Variants in PDE4D observed in about 807,000 individuals in gnomAD.
PDE4D encodes phosphodiesterase 4D.
In PDE4D, 24 loss-of-function variants were observed where a neutral mutation model predicts 87.4. The ratio of observed to expected loss-of-function variants is 0.27; its 90% CI spans 0.20 to 0.39. The LOEUF is 0.39. PDE4D is among the 10% of genes least tolerant of loss of function. The pLI is 1.00. For missense variants in PDE4D, 714 were observed against 1,041.0 expected, an observed-to-expected ratio of 0.69 and a Z score of 4.32; for synonymous variants, 384 against 383.2, an observed-to-expected ratio of 1.00 and a Z score of -0.02.
intron 1 of PDE4D, among the ~76,000 whole-genome samples, chr5:59,515,975 T>G (rs1397359264): frequency 6.6e-6 from 1 of 152,194 alleles, no homozygotes; most frequent in Non-Finnish European, 1.5e-5. Context: ...GCACACAGAA[T>G]TCAATTCCAT....
intron 1 of PDE4D, chr5:60,430,111 T>G: frequency 1.9e-6 from 1 of 524,846 alleles, no homozygotes; most frequent in Non-Finnish European, 3.8e-6. Context: ...AGTTCCCATC[T>G]CCTTCAGGGC....
intron 1 of PDE4D, among the ~76,000 whole-genome samples, chr5:60,487,041 TCA>T (rs1273856136): frequency 6.6e-6 from 1 of 152,338 alleles, no homozygotes; most frequent in Admixed American, 6.5e-5. Context: ...AGTAAACTGC[TCA>T]CATTTACCAG....
At chr5:60,234,340 T>A (rs1046238650) in intron 1 of PDE4D, among the ~76,000 whole-genome samples, 19 of 151,972 alleles carry the variant, frequency 1.3e-4, no homozygotes, top group African/African-American at 4.6e-4. Flanking sequence ...GATTGTCACC[T>A]CACTTGTTGA....
In PDE4D at chr5:60,084,192, A is replaced by C. The variant is rs140948500; in HGVS notation, c.43-95475T>G. ...TTATCTGATTATTAATACAGCTGTA[A>C]GAGTAAGCATAGAAATGGTGTTTTA... On this transcript the variant is annotated intron_variant, in intron 2 of 16. Transcript: ENST00000502484. Among the ~76,000 whole-genome samples the C allele has an allele frequency of 3.3e-5, 5 of 152,348 alleles. No individual in the cohort carries two copies. In the East Asian group the frequency reaches 9.6e-4, roughly 29 times the overall value.
At chr5:59,347,983 T>C (rs1779880520) in intron 1 of PDE4D, among the ~76,000 whole-genome samples, 1 of 152,072 alleles carries the variant, frequency 6.6e-6, no homozygotes, top group African/African-American at 2.4e-5. Flanking sequence ...GAACCTCTCA[T>C]CTCAGTCTCT....
chr5:59,173,575 C>T (rs979859438), intron 5 of PDE4D, among the ~76,000 whole-genome samples: 1 of 152,156 alleles, frequency 6.6e-6, no homozygotes. Context: ...GTATTAGATG[C>T]TTTATCAGTT....
At chr5:59,291,469 T>TA (rs1233641356) in intron 1 of PDE4D, among the ~76,000 whole-genome samples, 1 of 151,816 alleles carries the variant, frequency 6.6e-6, no homozygotes, top group African/African-American at 2.4e-5. Context: ...TTAGCGGGTA[T>TA]AAAAAAATGT....
intron 1 of PDE4D, among the ~76,000 whole-genome samples, chr5:59,262,536 A>G (rs917902691): frequency 6.6e-6 from 1 of 151,866 alleles, no homozygotes; most frequent in South Asian, 2.1e-4. Flanking sequence ...AAAGTTCACA[A>G]TACAAGAAGG....
chr5:60,293,785 G>T (rs993064221), intron 1 of PDE4D, among the ~76,000 whole-genome samples: 2 of 152,086 alleles, frequency 1.3e-5, no homozygotes, highest in Non-Finnish European at 2.9e-5. Context: ...ATTCATTTTT[G>T]TTGCGGAGTA....
intron 1 of PDE4D, among the ~76,000 whole-genome samples, chr5:59,263,042 C>T (rs1490079661): frequency 6.6e-6 from 1 of 151,832 alleles, no homozygotes; most frequent in Non-Finnish European, 1.5e-5. Context: ...CAAAAATCCT[C>T]CCGGATACTA....
chr5:59,304,136 TA>T (rs1581854597), intron 1 of PDE4D, among the ~76,000 whole-genome samples: 1 of 152,132 alleles, frequency 6.6e-6, no homozygotes, highest in Non-Finnish European at 1.5e-5. Flanking sequence ...TTAAGTATTT[TA>T]TTTTATTTTT....
At chr5:59,742,159 G>C (rs1758942058) in intron 1 of PDE4D, among the ~76,000 whole-genome samples, 1 of 152,102 alleles carries the variant, frequency 6.6e-6, no homozygotes, top group Non-Finnish European at 1.5e-5. Context: ...CACCTCCCAG[G>C]TTCAAGCAAT....
intron 1 of PDE4D, among the ~76,000 whole-genome samples, chr5:59,525,438 T>C (rs1812928576): frequency 6.6e-6 from 1 of 152,238 alleles, no homozygotes. Flanking sequence ...GCCTCCACTG[T>C]ATCTAGGAAG....
chr5:59,637,514 T>G (rs1832398873), intron 1 of PDE4D, among the ~76,000 whole-genome samples: 1 of 151,658 alleles, frequency 6.6e-6, no homozygotes, highest in South Asian at 2.1e-4. Context: ...CCATCAATGA[T>G]AGACTGGATG....
At chr5:59,450,994 T>C (rs1197783414) in intron 1 of PDE4D, among the ~76,000 whole-genome samples, 5 of 152,210 alleles carry the variant, frequency 3.3e-5, no homozygotes, top group Admixed American at 3.3e-4. Flanking sequence ...CTCCTCACTC[T>C]GAGCATAATT....
intron 1 of PDE4D, among the ~76,000 whole-genome samples, chr5:59,583,911 C>T (rs1240538795): frequency 6.6e-6 from 1 of 152,222 alleles, no homozygotes; most frequent in Non-Finnish European, 1.5e-5. Flanking sequence ...GGGTACAGAG[C>T]CTTTCTAGAG....
chr5:59,297,038 A>G (rs1425833085), intron 1 of PDE4D, among the ~76,000 whole-genome samples: 1 of 152,172 alleles, frequency 6.6e-6, no homozygotes, highest in Non-Finnish European at 1.5e-5. Flanking sequence ...TAAATAGGTG[A>G]CTTAACCCTT....
intron 1 of PDE4D, among the ~76,000 whole-genome samples, chr5:60,258,262 T>C (rs887873095): frequency 6.6e-6 from 1 of 151,902 alleles, no homozygotes; most frequent in African/African-American, 2.4e-5. Context: ...AAATAGCATG[T>C]TTTATGGAAT....
chr5:60,385,200 G>A (rs886971735), intron 1 of PDE4D, among the ~76,000 whole-genome samples: 11 of 152,270 alleles, frequency 7.2e-5, no homozygotes, highest in Middle Eastern at 3.4e-3. Flanking sequence ...TTTCGAGAAG[G>A]GATTCCAGGA....
Sources: allele counts gnomAD v4.1 joint callset (sites outside exome capture counted in the v4.1 genomes callset), GRCh38; gene constraint gnomAD v4.1.1; transcripts MANE v1.5; gene names NCBI Gene and HGNC (gene_info 2026-07-23, HGNC 2026-07-21).